HS3ST4: variants seen among roughly 807,000 people sequenced by gnomAD.
The protein encoded by HS3ST4 is heparan sulfate-glucosamine 3-sulfotransferase 4.
A neutral mutation model predicts 29.2 loss-of-function variants in HS3ST4; 17 were observed. The observed-to-expected ratio is 0.58, with a 90% CI of 0.40 to 0.87. The LOEUF (loss-of-function observed/expected upper bound fraction) is 0.87, where lower values mean the gene tolerates loss of function less well. Ranked by LOEUF, HS3ST4 falls within the 40% of genes least tolerant of loss-of-function variation. The probability of loss-of-function intolerance (pLI) is 0.00; values close to 1 mark genes in which losing one functional copy is unlikely to be tolerated. For missense variants in HS3ST4, 627 were observed against 634.5 expected (o/e 0.99, Z 0.13); for synonymous variants, 314 against 285.7 (o/e 1.10, Z -1.00).
At chr16:25,873,123 GCTTTCTTT>G (rs953167892) in intron 1 of HS3ST4, among the ~76,000 whole-genome samples, 1 of 151,812 alleles carries the variant, frequency 6.6e-6, no homozygotes, top group African/African-American at 2.4e-5. Context: ...CATTGCTTCA[GCTTTCTTT>G]CTTTCTTTCT....
chr16:25,962,416 G>C (rs1342542103), intron 1 of HS3ST4, among the ~76,000 whole-genome samples: 1 of 152,176 alleles, frequency 6.6e-6, no homozygotes, highest in Non-Finnish European at 1.5e-5. Flanking sequence ...GGGATACATT[G>C]CTTATCCACT....
chr16:25,763,710 C>T (rs938339149), intron 1 of HS3ST4, among the ~76,000 whole-genome samples: 46 of 152,218 alleles, frequency 3.0e-4, no homozygotes, highest in African/African-American at 1.1e-3. Context: ...CATTGTGGAC[C>T]CCAAAAGCAA....
intron 1 of HS3ST4, among the ~76,000 whole-genome samples, chr16:25,961,850 G>T (rs746084721): frequency 6.6e-6 from 1 of 151,938 alleles, no homozygotes; most frequent in Non-Finnish European, 1.5e-5. Context: ...TACACTTAAA[G>T]TTTCTTACTT....
At chr16:25,960,325 A>G (rs778088173) in intron 1 of HS3ST4, among the ~76,000 whole-genome samples, 1 of 152,114 alleles carries the variant, frequency 6.6e-6, no homozygotes, top group Non-Finnish European at 1.5e-5. Flanking sequence ...TCTTTTCTTT[A>G]TAAGTTACCC....
In HS3ST4 at chr16:25,692,550, G is replaced by A; in HGVS notation, c.133G>A (p.Val45Ile). Residue 45 changes from valine (V) to isoleucine (I), a missense_variant, in exon 1 of 2, where the codon GTC becomes ATC. By Grantham distance (29) the Val-to-Ile change is conservative. Coordinates refer to ENST00000331351, the MANE Select transcript of HS3ST4 (RefSeq NM_006040.3). The stretch of plus-strand genomic sequence containing the variant: ...TTTTATGTGCACCTTGTCCCTGTCT[G>A]TCACCTACCTGTGCTACAGCCTCCT... The part of the protein sequence containing the change: ...LLFMCTLSLS[V>I]TYLCYSLLGG... 6.9e-7 allele frequency: 1 copy of A among 1,453,860 alleles called. No individual in the cohort carries two copies. The allele number at this position is 1,453,860 out of a possible 1,614,324, so 90.1% of individuals were successfully genotyped here. A position where few individuals can be genotyped will look rare whatever the true frequency, so the allele number is the denominator to read the frequency against.
chr16:25,725,539 C>T (rs1476138911), intron 1 of HS3ST4, among the ~76,000 whole-genome samples: 1 of 151,972 alleles, frequency 6.6e-6, no homozygotes, highest in African/African-American at 2.4e-5. Context: ...TTATTAAAAG[C>T]TATAGTATAA....
At chr16:26,096,681 G>A (rs1365077659) in intron 1 of HS3ST4, among the ~76,000 whole-genome samples, 4 of 152,044 alleles carry the variant, frequency 2.6e-5, no homozygotes, top group Non-Finnish European at 1.5e-5. Flanking sequence ...TTTGAAAACC[G>A]GCACAAGACA....
At chr16:25,789,437 TCC>T (rs1966863825) in intron 1 of HS3ST4, among the ~76,000 whole-genome samples, 1 of 113,046 alleles carries the variant, frequency 8.8e-6, no homozygotes, top group Non-Finnish European at 1.8e-5. Context: ...CTTCCTTCCT[TCC>T]TTCCTTCCTT....
intron 1 of HS3ST4, among the ~76,000 whole-genome samples, chr16:25,894,439 G>A (rs1293245433): frequency 6.6e-6 from 1 of 151,990 alleles, no homozygotes; most frequent in African/African-American, 2.4e-5. Context: ...AATATCCCCC[G>A]GCCCCTCTGG....
chr16:25,861,477 G>T (rs1418543928), intron 1 of HS3ST4, among the ~76,000 whole-genome samples: 2 of 152,152 alleles, frequency 1.3e-5, no homozygotes, highest in Non-Finnish European at 1.5e-5. Flanking sequence ...AATATTTTAT[G>T]ACTTAAATCG....
chr16:25,758,359 C>A (rs1349190970), intron 1 of HS3ST4, among the ~76,000 whole-genome samples: 2 of 152,132 alleles, frequency 1.3e-5, no homozygotes, highest in Admixed American at 6.5e-5. Flanking sequence ...TTATCAATAC[C>A]TGTGCTCAAA....
intron 1 of HS3ST4, among the ~76,000 whole-genome samples, chr16:25,927,706 T>C (rs113226981): frequency 0.077 from 11,633 of 151,366 alleles, 548 homozygotes; most frequent in South Asian, 0.097. Flanking sequence ...TTTTTTTTTT[T>C]CCCCGATTTT....
At chr16:26,061,056 TTCTC>T (rs544059322) in intron 1 of HS3ST4, among the ~76,000 whole-genome samples, 5 of 152,246 alleles carry the variant, frequency 3.3e-5, no homozygotes, top group Non-Finnish European at 5.9e-5. Flanking sequence ...TGTTTATTTC[TTCTC>T]TATTACTGCT....
chr16:25,975,839 G>A lies in HS3ST4; in HGVS notation c.735-159773G>A, dbSNP rs115248158. On this transcript the variant is annotated intron_variant, in intron 1 of 1. Coordinates refer to ENST00000331351, the MANE Select transcript of HS3ST4 (RefSeq NM_006040.3). The stretch of plus-strand genomic sequence containing the variant: ...TTCAAAAGTGTGATTCTTGCAAATG[G>A]CTACAGTGGCTAAATTGCATGATAC... 2.1e-3 allele frequency among the ~76,000 whole-genome samples: 321 copies of A among 152,194 alleles called. 1 individual carries two copies. The highest frequency in any genetic ancestry group is 7.2e-3 in the African/African-American group (298 of 41,528).
At chr16:26,063,886 G>A (rs1049111603) in intron 1 of HS3ST4, among the ~76,000 whole-genome samples, 5 of 152,266 alleles carry the variant, frequency 3.3e-5, no homozygotes, top group South Asian at 2.1e-4. Context: ...CCACAAAGCC[G>A]TGGGTAACTA....
chr16:25,876,524 C>G (rs1389337353), intron 1 of HS3ST4, among the ~76,000 whole-genome samples: 1 of 152,088 alleles, frequency 6.6e-6, no homozygotes, highest in Non-Finnish European at 1.5e-5. Flanking sequence ...GCACTGAATT[C>G]AGTGGAATTC....
At chr16:25,794,896 T>TACACACACACACACACACAC (rs59740575) in intron 1 of HS3ST4, among the ~76,000 whole-genome samples, 5 of 136,678 alleles carry the variant, frequency 3.7e-5, no homozygotes, top group Non-Finnish European at 7.8e-5. Context: ...TACTCAAGAA[T>TACACACACACACACACACAC]ACACACACAC....
At chr16:25,766,942 C>T (rs1383402368) in intron 1 of HS3ST4, among the ~76,000 whole-genome samples, 1 of 152,176 alleles carries the variant, frequency 6.6e-6, no homozygotes, top group Admixed American at 6.5e-5. Flanking sequence ...GAGCCTCCCA[C>T]TTCCAAATCC....
chr16:25,739,116 C>T (rs1211980930), intron 1 of HS3ST4, among the ~76,000 whole-genome samples: 2 of 152,042 alleles, frequency 1.3e-5, no homozygotes, highest in Non-Finnish European at 2.9e-5. Flanking sequence ...CTGAGGCGGG[C>T]AGATCATCTG....
Sources: allele counts gnomAD v4.1 joint callset (sites outside exome capture counted in the v4.1 genomes callset), GRCh38; gene constraint gnomAD v4.1.1; transcripts MANE v1.5; gene names NCBI Gene and HGNC (gene_info 2026-07-23, HGNC 2026-07-21).